ZNF557: variants seen among roughly 807,000 people sequenced by gnomAD.
The protein encoded by ZNF557 is zinc finger protein 557, also known as CTB-25J19.9.
In ZNF557, 19 loss-of-function variants were observed where a neutral mutation model predicts 21.2. That is an observed-to-expected ratio of 0.90 (90% confidence interval 0.63 to 1.32). The LOEUF (loss-of-function observed/expected upper bound fraction) is 1.32, where lower values mean the gene tolerates loss of function less well. Ranked by LOEUF, ZNF557 falls within the 40% of genes most tolerant of loss-of-function variation. ZNF557 has a pLI of 0.00. For synonymous variants in ZNF557, 207 were observed against 194.8 expected, an observed-to-expected ratio of 1.06 and a Z score of -0.52; for missense variants, 487 against 519.8, an observed-to-expected ratio of 0.94 and a Z score of 0.61.
rs1184671308 is a variant in ZNF557, at chr19:7,086,667, C to G, written c.*2923C>G. ...TGAGCCACCATGCCCGGCACAAATA[C>G]TGTTTCTTAATGTTCATTCTCCCTA... On this transcript the variant is annotated 3_prime_UTR_variant, in exon 8 of 8. Coordinates refer to ENST00000252840, the MANE Select transcript of ZNF557 (RefSeq NM_024341.3). 1 of 146,624 alleles carries G rather than the reference C, an allele frequency of 6.8e-6. No individual in the cohort carries two copies. The highest frequency in any genetic ancestry group is 1.5e-5 in the Non-Finnish European group (1 of 66,978). 9.1% of individuals were successfully genotyped at this position (146,624 alleles called of 1,614,324 possible).
At chr19:7,075,766 C>T in intron 4 of ZNF557, 23 bp downstream of exon 4, 1 of 1,610,384 alleles carries the variant, frequency 6.2e-7, no homozygotes, top group Non-Finnish European at 8.5e-7. Context: ...TTCCTTTTTC[C>T]AAATCATGAT....
In ZNF557 at chr19:7,085,075, A is replaced by G. The variant is rs1977805086; in HGVS notation, c.*1331A>G. On this transcript the variant is annotated 3_prime_UTR_variant, in exon 8 of 8. Transcript: ENST00000252840. ...AGCCTTGAATATTCTCTCCATTTTT[A>G]AGAAGTGAGATTCATACTAGAAAAA... 1 of 152,224 alleles carries G rather than the reference A, an allele frequency of 6.6e-6. No homozygotes were observed. The highest frequency in any genetic ancestry group is 1.5e-5 in the Non-Finnish European group (1 of 68,036). 9.4% of individuals were successfully genotyped at this position (152,224 alleles called of 1,614,324 possible). A position where few individuals can be genotyped will look rare whatever the true frequency, so the allele number is the denominator to read the frequency against.
chr19:7,075,654 GCT>G lies in ZNF557; in HGVS notation c.34_35del (p.Leu12ValfsTer20), dbSNP rs763899516. 3 of 1,613,222 alleles carry G rather than the reference GCT, an allele frequency of 1.9e-6. No homozygotes were observed. The highest frequency in any genetic ancestry group is 2.5e-6 in the Non-Finnish European group (3 of 1,179,392). On this transcript the variant is annotated frameshift_variant and splice_region_variant, in exon 4 of 8. Transcript: ENST00000252840. LOFTEE classifies it high-confidence loss of function. MAAVVLPPTA[A>X]LSSLFPASQR... ...CCTGGTACTCATTTCTCCTCCTCCA[GCT>G]CTGTCTTCCCTGTTCCCAGCCTCTC... is the stretch of plus-strand genomic sequence containing the variant.
intron 5 of ZNF557, among the ~76,000 whole-genome samples, chr19:7,080,910 A>G (rs916086435): frequency 6.6e-6 from 1 of 152,104 alleles, no homozygotes; most frequent in African/African-American, 2.4e-5. Flanking sequence ...GTCCTTCATA[A>G]GCACCTCTGT....
In ZNF557 at chr19:7,086,848, A is replaced by G. The variant is rs1977861020; in HGVS notation, c.*3104A>G. ...CAAGACTAGCTTGGCCAACGTGGTG[A>G]AACCTCGTCTCTACTAAAAAAAATA... is the stretch of plus-strand genomic sequence containing the variant. On this transcript the variant is annotated 3_prime_UTR_variant, in exon 8 of 8. Coordinates refer to ENST00000252840, the MANE Select transcript of ZNF557 (RefSeq NM_024341.3). 1 of 151,778 alleles carries G rather than the reference A, an allele frequency of 6.6e-6. No individual in the cohort carries two copies. The highest frequency in any genetic ancestry group is 1.5e-5 in the Non-Finnish European group (1 of 67,944). 9.4% of individuals were successfully genotyped at this position (151,778 alleles called of 1,614,324 possible).
chr19:7,073,155 T>TCG (rs1370483894), intron 2 of ZNF557, among the ~76,000 whole-genome samples: 1 of 44,642 alleles, frequency 2.2e-5, no homozygotes, highest in Non-Finnish European at 4.8e-5. Flanking sequence ...TTGGTTTTTT[T>TCG]TGTTTTTTTT....
intron 2 of ZNF557, among the ~76,000 whole-genome samples, chr19:7,074,001 A>G (rs1445511750): frequency 4.8e-5 from 2 of 42,062 alleles, no homozygotes; most frequent in East Asian, 1.1e-3. Context: ...ACCCTTGACC[A>G]CTTTTTTTTT....
In ZNF557 at chr19:7,075,682, A is replaced by T. The variant is rs1977572306; in HGVS notation, c.59A>T (p.Gln20Leu). Residue 20 changes from glutamine (Q) to leucine (L), a missense_variant, in exon 4 of 8, where the codon CAG (glutamine) becomes CTG (leucine). By Grantham distance (113) the Gln-to-Leu change is moderately radical. Transcript: ENST00000252840. ...AALSSLFPAS[Q>L]REGHTEGGEL... ...CTGTCTTCCCTGTTCCCAGCCTCTC[A>T]GCGAGAAGGACACACAGAGGGCGGA... 9 of 1,613,674 alleles carry T rather than the reference A, an allele frequency of 5.6e-6. No homozygotes were observed. The highest frequency in any genetic ancestry group is 7.6e-6 in the Non-Finnish European group (9 of 1,179,684).
chr19:7,071,586 G>C (rs890836720), intron 2 of ZNF557, among the ~76,000 whole-genome samples: 1 of 152,158 alleles, frequency 6.6e-6, no homozygotes. Flanking sequence ...AAGCCTGTCT[G>C]TAATCCCAGA....
chr19:7,084,172 G>T lies in ZNF557; in HGVS notation c.*428G>T. 5.7e-6 allele frequency: 1 copy of T among 175,414 alleles called. No homozygotes were observed. The highest frequency in any genetic ancestry group is 1.2e-5 in the Non-Finnish European group (1 of 81,836). 10.9% of individuals were successfully genotyped at this position (175,414 alleles called of 1,614,324 possible). On this transcript the variant is annotated 3_prime_UTR_variant, in exon 8 of 8. Transcript: ENST00000252840. ...TGATCTAAAGGAGCCAACACAGAAA[G>T]CATAATGTCTTTTATGACCTAGCTT...
At position 7,086,130 on chromosome 19, in the gene ZNF557, C is replaced by G. The variant is rs748069217; in HGVS notation, c.*2386C>G. 1.2e-4 allele frequency: 18 copies of G among 147,914 alleles called. No individual in the cohort carries two copies. The highest frequency in any genetic ancestry group is 2.4e-4 in the Non-Finnish European group (16 of 67,550). 9.2% of individuals were successfully genotyped at this position (147,914 alleles called of 1,614,324 possible). A position where few individuals can be genotyped will look rare whatever the true frequency, so the allele number is the denominator to read the frequency against. On this transcript the variant is annotated 3_prime_UTR_variant, in exon 8 of 8. Transcript: ENST00000252840. ...TCTATAATCCCAGCTACTCAAGAGG[C>G]TGAGGAAGGAGAATCACTTGAACCC... is the stretch of plus-strand genomic sequence containing the variant.
intron 5 of ZNF557, among the ~76,000 whole-genome samples, chr19:7,079,446 T>A (rs183276039): frequency 5.9e-5 from 9 of 151,978 alleles, no homozygotes; most frequent in Non-Finnish European, 8.8e-5. Flanking sequence ...TTCACCGTGT[T>A]AGCCAGGATG....
chr19:7,083,848 AC>A lies in ZNF557; in HGVS notation c.*110del. 1.4e-6 allele frequency: 2 copies of A among 1,439,584 alleles called. No homozygotes were observed. Among genetic ancestry groups the A allele is most frequent in the Non-Finnish European group, 1.9e-6 (2 of 1,069,158 alleles). 89.2% of individuals were successfully genotyped at this position (1,439,584 alleles called of 1,614,324 possible). A position where few individuals can be genotyped will look rare whatever the true frequency, so the allele number is the denominator to read the frequency against. ...ATCACCTGCTACTGTGTAACAAATT[AC>A]CCCCCAAAATTTTGTGGCTTCAAAC... On this transcript the variant is annotated 3_prime_UTR_variant, in exon 8 of 8. Transcript: ENST00000252840.
intron 5 of ZNF557, among the ~76,000 whole-genome samples, chr19:7,078,613 G>T (rs950900729): frequency 6.6e-6 from 1 of 151,884 alleles, no homozygotes. Context: ...TGTATTTTTA[G>T]TAGAGACAGG....
chr19:7,072,786 C>T (rs1410510676), intron 2 of ZNF557, among the ~76,000 whole-genome samples: 1 of 152,198 alleles, frequency 6.6e-6, no homozygotes, highest in Admixed American at 6.5e-5. Context: ...ACATATCACT[C>T]TGAAATGCAG....
At position 7,083,697 on chromosome 19, in the gene ZNF557, A is replaced by C. The variant is rs1267616311; in HGVS notation, c.1246A>C (p.Asn416His). ...CNYCGKSFTS[N>H]SYLSVHTRMH... is the part of the protein sequence containing the mutation. ...TTATTGCGGGAAATCCTTCACAAGT[A>C]ACTCCTACCTTTCTGTGCATACGAG... is the stretch of plus-strand genomic sequence containing the variant. The change falls in exon 8 of 8, where the codon AAC (asparagine) becomes CAC (histidine). Residue 416 changes from asparagine to histidine, a missense_variant. Asn to His is a moderately conservative substitution (Grantham distance 68). Coordinates refer to ENST00000252840, the MANE Select transcript of ZNF557 (RefSeq NM_024341.3). The C allele has an allele frequency of 6.2e-6, 10 of 1,613,586 alleles. No individual in the cohort carries two copies. Among genetic ancestry groups the C allele is most frequent in the African/African-American group, 1.3e-5 (1 of 74,898 alleles).
intron 7 of ZNF557, 97 bp downstream of exon 7, chr19:7,082,149 C>A: frequency 1.1e-6 from 1 of 941,210 alleles, no homozygotes; most frequent in Non-Finnish European, 1.6e-6. Flanking sequence ...GGCACAGTGG[C>A]TCATGCCTTT....
Position 7,082,907 on chromosome 19 carries a change from C to G in ZNF557, c.456C>G (p.Asn152Lys), listed in dbSNP as rs749792845. The G allele has an allele frequency of 1.3e-6, 2 of 1,598,260 alleles. No homozygotes were observed. Among genetic ancestry groups the G allele is most frequent in the East Asian group, 2.2e-5 (1 of 44,700 alleles). ...GGAATCATCTTGGAGCAACACTCAA[C>G]GAATGTAATCAGTGTTTTAAAGTCT... The part of the protein sequence containing the change: ...MERNHLGATL[N>K]ECNQCFKVFS... The change falls in exon 8 of 8, where the codon AAC becomes AAG. Residue 152 changes from asparagine (N) to lysine (K), a missense_variant. Physicochemically the swap from Asn to Lys is moderately conservative, Grantham distance 94. Transcript: ENST00000252840.
rs990434811 is a variant in ZNF557, at chr19:7,086,874, C to G, written c.*3130C>G. On this transcript the variant is annotated 3_prime_UTR_variant, in exon 8 of 8. Coordinates refer to ENST00000252840, the MANE Select transcript of ZNF557 (RefSeq NM_024341.3). ...AACCTCGTCTCTACTAAAAAAAATA[C>G]AAAAATTAGCTGGGCGTGATGACAG... 6.6e-6 allele frequency: 1 copy of G among 151,560 alleles called. No homozygotes were observed. Among genetic ancestry groups the G allele is most frequent in the Admixed American group, 6.6e-5 (1 of 15,202 alleles). 9.4% of individuals were successfully genotyped at this position (151,560 alleles called of 1,614,324 possible).
Sources: allele counts gnomAD v4.1 joint callset (sites outside exome capture counted in the v4.1 genomes callset), GRCh38; gene constraint gnomAD v4.1.1; transcripts MANE v1.5; gene names NCBI Gene and HGNC (gene_info 2026-07-23, HGNC 2026-07-21).